Variants in LRRC37A observed in about 807,000 individuals in gnomAD.
The protein encoded by LRRC37A is leucine-rich repeat-containing protein 37A.
Under a neutral mutation model 35.4 loss-of-function variants are expected in LRRC37A, and 3 were observed. That is an observed-to-expected ratio of 0.08 (90% CI 0.04 to 0.22). The LOEUF is 0.22. LRRC37A is among the 10% of genes least tolerant of loss of function. The pLI is 1.00. For synonymous variants in LRRC37A, 23 were observed against 215.0 expected (o/e 0.11, Z 7.81); for missense variants, 67 against 565.3 (o/e 0.12, Z 8.94).
upstream of LRRC37A, among the ~76,000 whole-genome samples, chr17:46,288,003 T>C (rs2732612): frequency 0.14 from 20,935 of 150,682 alleles, 1,875 homozygotes; most frequent in Non-Finnish European, 0.21. Context: ...GCAGGCTGGC[T>C]TTGCCGATAC....
At chr17:46,263,415 G>A in the LRRC37A span, among the ~76,000 whole-genome samples, 1 of 151,914 alleles carries the variant, frequency 6.6e-6, no homozygotes, top group East Asian at 1.9e-4. Context: ...GCCAGGCATG[G>A]TGGTGTGTGC....
the LRRC37A span, chr17:46,260,619 T>TA: frequency 3.5e-5 from 39 of 1,118,444 alleles, no homozygotes; most frequent in Non-Finnish European, 4.3e-5. Flanking sequence ...CTCTCTATTC[T>TA]CTTTTTTTTT....
the LRRC37A span, among the ~76,000 whole-genome samples, chr17:46,279,938 C>T: frequency 0.11 from 16,572 of 148,868 alleles, no homozygotes; most frequent in Non-Finnish European, 0.17. Flanking sequence ...ATTGTCTTGC[C>T]CTACTGACCC....
upstream of LRRC37A, among the ~76,000 whole-genome samples, chr17:46,287,858 G>A (rs1478171487): frequency 1.3e-5 from 2 of 152,238 alleles, no homozygotes; most frequent in African/African-American, 4.8e-5. Flanking sequence ...AGTGGCCTCT[G>A]TAATAAAAGA....
chr17:46,276,725 C>T, the LRRC37A span, among the ~76,000 whole-genome samples: 2 of 152,086 alleles, frequency 1.3e-5, no homozygotes, highest in South Asian at 2.1e-4. Flanking sequence ...AATAGAAATT[C>T]CCTAAAAATG....
chr17:46,281,907 G>T, the LRRC37A span, among the ~76,000 whole-genome samples: 1 of 152,196 alleles, frequency 6.6e-6, no homozygotes, highest in Non-Finnish European at 1.5e-5. Context: ...GCCTCCCAAA[G>T]TGCTGGGATT....
the LRRC37A span, among the ~76,000 whole-genome samples, chr17:46,261,541 A>ATAATTTATTTGCTAAATATTTTCACTTAT: frequency 3.3e-5 from 5 of 151,736 alleles, no homozygotes; most frequent in African/African-American, 9.6e-5. Flanking sequence ...CCTCCCGAGT[A>ATAATTTATTTGCTAAATATTTTCACTTAT]GCTGGGATTA....
intron 5 of LRRC37A, among the ~76,000 whole-genome samples, chr17:46,321,357 GAAAAAAAAAAAA>G (rs763727306): frequency 9.6e-5 from 3 of 31,356 alleles, no homozygotes; most frequent in African/African-American, 9.4e-4. Context: ...CTCCGTCTCA[GAAAAAAAAAAAA>G]AAAAAAAAAA....
At chr17:46,303,403 G>T (rs1275029955) in intron 3 of LRRC37A, among the ~76,000 whole-genome samples, 1 of 58,006 alleles carries the variant, frequency 1.7e-5, no homozygotes. Flanking sequence ...GCTACCAAGA[G>T]AATAGACTGG....
chr17:46,271,231 T>C, the LRRC37A span, among the ~76,000 whole-genome samples: 1 of 151,318 alleles, frequency 6.6e-6, no homozygotes, highest in African/African-American at 2.4e-5. Flanking sequence ...AATGGCATGA[T>C]GTCAGCTCAC....
the LRRC37A span, among the ~76,000 whole-genome samples, chr17:46,278,506 G>A: frequency 6.6e-6 from 1 of 151,612 alleles, no homozygotes; most frequent in African/African-American, 2.4e-5. Context: ...CTGGGTTCAA[G>A]CGATTTTCCA....
At chr17:46,260,916 C>A in the LRRC37A span, among the ~76,000 whole-genome samples, 3 of 152,216 alleles carry the variant, frequency 2.0e-5, no homozygotes, top group African/African-American at 7.2e-5. Context: ...AGCCACCGTG[C>A]CCCGTCTATG....
chr17:46,325,649 A>G lies in LRRC37A; in HGVS notation c.3053+2622A>G, dbSNP rs1820296438. ...TTGTGAAAATGTGTATACGGACCGC[A>G]TAGTAGACAATGATAATATGAAGTT... On this transcript the variant is annotated intron_variant, in intron 7 of 13. Transcript: ENST00000320254. 1.7e-4 allele frequency among the ~76,000 whole-genome samples: 14 copies of G among 81,470 alleles called. 6 individuals carry two copies. In the South Asian group the frequency reaches 7.7e-3, roughly 45 times the overall value. The allele number at this position is 81,470 out of a possible 152,430, so 53.4% of individuals were successfully genotyped here. A position where few individuals can be genotyped will look rare whatever the true frequency, so the allele number is the denominator to read the frequency against.
upstream of LRRC37A, among the ~76,000 whole-genome samples, chr17:46,288,288 T>G (rs542397741): frequency 6.7e-6 from 1 of 148,722 alleles, no homozygotes; most frequent in South Asian, 2.1e-4. Context: ...ACTACAGATG[T>G]GCACCACCAG....
the LRRC37A span, among the ~76,000 whole-genome samples, chr17:46,270,075 T>C: frequency 1.3e-5 from 2 of 152,236 alleles, no homozygotes; most frequent in Non-Finnish European, 2.9e-5. Flanking sequence ...CTTCAGTTTA[T>C]AAGAAGTACG....
chr17:46,258,716 T>G, the LRRC37A span, among the ~76,000 whole-genome samples: 2 of 140,744 alleles, frequency 1.4e-5, no homozygotes, highest in Admixed American at 7.1e-5. Flanking sequence ...TCTTTTTTTT[T>G]TTTTTTTTTT....
the LRRC37A span, among the ~76,000 whole-genome samples, chr17:46,279,376 G>A: frequency 6.7e-6 from 1 of 149,412 alleles, no homozygotes. Flanking sequence ...TAGAGACGAG[G>A]TTTTGCCATG....
At chr17:46,283,355 G>A in the LRRC37A span, among the ~76,000 whole-genome samples, 3 of 152,190 alleles carry the variant, frequency 2.0e-5, no homozygotes, top group Admixed American at 6.5e-5. Context: ...GCATCATTAG[G>A]GTCTACTGGT....
At chr17:46,266,951 G>A in the LRRC37A span, 16,519 of 145,134 alleles carry the variant, frequency 0.11, 2 homozygotes, top group Middle Eastern at 0.2. Flanking sequence ...CGCCGCCGAG[G>A]GCCCCGCCGG....
Sources: allele counts gnomAD v4.1 joint callset (sites outside exome capture counted in the v4.1 genomes callset), GRCh38; gene constraint gnomAD v4.1.1; transcripts MANE v1.5; gene names NCBI Gene and HGNC (gene_info 2026-07-23, HGNC 2026-07-21).